Variants in BCAT1 observed in about 807,000 individuals in gnomAD.
The protein encoded by BCAT1 is branched-chain-amino-acid aminotransferase, cytosolic.
A neutral mutation model predicts 52.4 loss-of-function variants in BCAT1; 48 were observed. The observed-to-expected ratio is 0.92, with a 90% CI of 0.73 to 1.16. The LOEUF (loss-of-function observed/expected upper bound fraction) is 1.16, where lower values mean the gene tolerates loss of function less well. Among genes scored for constraint, BCAT1 ranks in the 50% most tolerant of loss-of-function variants. The probability of loss-of-function intolerance (pLI) is 0.00; values close to 1 mark genes in which losing one functional copy is unlikely to be tolerated. For synonymous variants in BCAT1, 167 were observed against 161.3 expected (o/e 1.04, Z -0.27); for missense variants, 451 against 457.1 (o/e 0.99, Z 0.12).
At chr12:24,862,531 TA>T (rs1467527269) in intron 5 of BCAT1, among the ~76,000 whole-genome samples, 1 of 152,222 alleles carries the variant, frequency 6.6e-6, no homozygotes, top group Admixed American at 6.5e-5. Flanking sequence ...GTATAGGCCC[TA>T]ACTGTAATAC....
At chr12:24,818,108 TACAA>T (rs1320201407) in intron 10 of BCAT1, 59 bp from the exon 11 acceptor site, 15 of 1,565,824 alleles carry the variant, frequency 9.6e-6, no homozygotes, top group South Asian at 5.6e-5. Context: ...AGAAATAGCT[TACAA>T]ACAAACTTAA....
intron 3 of BCAT1, among the ~76,000 whole-genome samples, chr12:24,884,786 A>T (rs961170666): frequency 2.0e-5 from 3 of 152,182 alleles, no homozygotes; most frequent in South Asian, 2.1e-4. Flanking sequence ...TTTAACATTT[A>T]AAAAAATCAA....
chr12:24,850,469 G>A (rs1433289599), intron 5 of BCAT1, among the ~76,000 whole-genome samples: 1 of 152,210 alleles, frequency 6.6e-6, no homozygotes, highest in Non-Finnish European at 1.5e-5. Context: ...TCAACTAGCA[G>A]GTAGCAAGAG....
At chr12:24,885,576 T>C (rs749929340) in intron 3 of BCAT1, among the ~76,000 whole-genome samples, 1 of 152,084 alleles carries the variant, frequency 6.6e-6, no homozygotes, top group African/African-American at 2.4e-5. Context: ...CTAAAAATTA[T>C]ATGGAAAGAA....
At chr12:24,860,534 T>C (rs550691557) in intron 5 of BCAT1, among the ~76,000 whole-genome samples, 2 of 152,346 alleles carry the variant, frequency 1.3e-5, no homozygotes, top group East Asian at 1.9e-4. Context: ...TATGGCAGCA[T>C]AGTAATTTGC....
chr12:24,865,255 T>C (rs568163865), intron 5 of BCAT1, among the ~76,000 whole-genome samples: 4 of 152,334 alleles, frequency 2.6e-5, no homozygotes, highest in East Asian at 1.9e-4. Flanking sequence ...ATTCTACCCA[T>C]ATCACTCCAA....
At chr12:24,925,995 C>T (rs1277132419) in intron 1 of BCAT1, among the ~76,000 whole-genome samples, 1 of 152,248 alleles carries the variant, frequency 6.6e-6, no homozygotes, top group African/African-American at 2.4e-5. Flanking sequence ...AGATTGCAGC[C>T]TCTGCCCGGC....
intron 6 of BCAT1, among the ~76,000 whole-genome samples, chr12:24,842,967 A>G (rs7967945): frequency 0.45 from 67,729 of 151,950 alleles, 15,389 homozygotes; most frequent in East Asian, 0.64. Flanking sequence ...TTATAAAATA[A>G]GGATGAATAT....
intron 4 of BCAT1, among the ~76,000 whole-genome samples, chr12:24,880,109 C>T (rs772807606): frequency 6.6e-6 from 1 of 152,140 alleles, no homozygotes; most frequent in Non-Finnish European, 1.5e-5. Flanking sequence ...GAATGAAGAA[C>T]ACTTGGATTT....
chr12:24,832,332 T>C (rs1940702695), intron 9 of BCAT1, among the ~76,000 whole-genome samples: 1 of 152,150 alleles, frequency 6.6e-6, no homozygotes, highest in East Asian at 1.9e-4. Context: ...ATAGTAGATA[T>C]ATGCTAATAC....
intron 2 of BCAT1, among the ~76,000 whole-genome samples, chr12:24,900,718 G>T (rs1943080341): frequency 6.6e-6 from 1 of 152,220 alleles, no homozygotes; most frequent in African/African-American, 2.4e-5. Flanking sequence ...ATTGCATGAG[G>T]CCAGGAGTTC....
At chr12:24,873,566 A>T (rs1942243630) in intron 5 of BCAT1, among the ~76,000 whole-genome samples, 1 of 152,190 alleles carries the variant, frequency 6.6e-6, no homozygotes, top group Non-Finnish European at 1.5e-5. Flanking sequence ...GCTATACCTT[A>T]TCCAAAAAGC....
At chr12:24,940,024 G>T (rs528448836) in intron 1 of BCAT1, among the ~76,000 whole-genome samples, 1 of 151,888 alleles carries the variant, frequency 6.6e-6, no homozygotes. Context: ...AAAGGCTCAC[G>T]GTAACTTTCT....
intron 1 of BCAT1, among the ~76,000 whole-genome samples, chr12:24,911,389 C>T (rs1169897726): frequency 6.6e-6 from 1 of 152,188 alleles, no homozygotes; most frequent in Non-Finnish European, 1.5e-5. Context: ...GCTACACAGG[C>T]AACCCCCTGG....
chr12:24,885,459 T>A (rs769968945), intron 3 of BCAT1, among the ~76,000 whole-genome samples: 1 of 152,230 alleles, frequency 6.6e-6, no homozygotes, highest in Non-Finnish European at 1.5e-5. Flanking sequence ...TTCCCCAAAC[T>A]GATTTATGTA....
chr12:24,943,748 G>A (rs960333031), intron 1 of BCAT1, among the ~76,000 whole-genome samples: 2 of 152,124 alleles, frequency 1.3e-5, no homozygotes, highest in Non-Finnish European at 2.9e-5. Flanking sequence ...ACCTTGGGTG[G>A]CCGAGGCGGG....
chr12:24,880,194 A>C (rs973034068), intron 4 of BCAT1, among the ~76,000 whole-genome samples: 4 of 152,210 alleles, frequency 2.6e-5, no homozygotes, highest in Non-Finnish European at 4.4e-5. Flanking sequence ...CATGCCTGTA[A>C]TCCCAGAACT....
intron 1 of BCAT1, among the ~76,000 whole-genome samples, chr12:24,917,856 T>C (rs1438697878): frequency 6.6e-6 from 1 of 152,174 alleles, no homozygotes; most frequent in Non-Finnish European, 1.5e-5. Flanking sequence ...TAAGCACAAA[T>C]TTGAAGAAAA....
intron 5 of BCAT1, among the ~76,000 whole-genome samples, chr12:24,876,484 C>A (rs1325647360): frequency 6.6e-6 from 1 of 152,070 alleles, no homozygotes; most frequent in Non-Finnish European, 1.5e-5. Context: ...TAATAAAGTA[C>A]AAAACCACAT....
Sources: gnomAD v4.1 joint callset for allele counts (sites outside exome capture counted in the v4.1 genomes callset) on GRCh38, gnomAD v4.1.1 for gene constraint, MANE v1.5 for transcripts, NCBI Gene and HGNC (gene_info 2026-07-23, HGNC 2026-07-21) for gene names.